The following FHIT variants were observed in gnomAD, a reference collection of about 807,000 sequenced individuals.
FHIT encodes bis(5'-adenosyl)-triphosphatase.
In FHIT, 19 loss-of-function variants were observed where a neutral mutation model predicts 17.9. That is an observed-to-expected ratio of 1.06 (90% confidence interval 0.74 to 1.56). The LOEUF (loss-of-function observed/expected upper bound fraction) is 1.56. FHIT is among the 40% of genes most tolerant of loss of function. The pLI, the probability that FHIT is intolerant of heterozygous loss-of-function variation, is 0.00. For synonymous variants in FHIT, 81 were observed against 69.7 expected, an observed-to-expected ratio of 1.16 and a Z score of -0.81; for missense variants, 248 against 189.2, an observed-to-expected ratio of 1.31 and a Z score of -1.82.
intron 1 of FHIT, among the ~76,000 whole-genome samples, chr3:61,249,058 A>G (rs1332633865): frequency 6.6e-6 from 1 of 152,216 alleles, no homozygotes; most frequent in Non-Finnish European, 1.5e-5. Context: ...AAGTATTACA[A>G]CCTTACCAAT....
At chr3:60,331,039 G>A (rs1462951531) in intron 5 of FHIT, among the ~76,000 whole-genome samples, 1 of 152,142 alleles carries the variant, frequency 6.6e-6, no homozygotes, top group Non-Finnish European at 1.5e-5. Flanking sequence ...CCTGTCACCA[G>A]AATCCCCTGC....
At chr3:60,746,502 G>A (rs1553715389) in intron 4 of FHIT, among the ~76,000 whole-genome samples, 1 of 152,136 alleles carries the variant, frequency 6.6e-6, no homozygotes, top group Non-Finnish European at 1.5e-5. Context: ...CATGGGTTCG[G>A]ACGATCATTA....
rs556196466 is a variant in FHIT, at chr3:61,083,397, T to C, written c.-163-41298A>G. On this transcript the variant is annotated intron_variant, in intron 2 of 9. Transcript: ENST00000492590. The stretch of plus-strand genomic sequence containing the variant: ...CGAGGTCAGGAGATCGAGACCATCC[T>C]GGCTACCACGGTGAAACCCCGTCTC... 8.4e-4 allele frequency among the ~76,000 whole-genome samples: 128 copies of C among 152,294 alleles called. 1 individual carries two copies. Among genetic ancestry groups the C allele is most frequent in the African/African-American group, 3.0e-3 (126 of 41,580 alleles).
chr3:60,142,795 A>G (rs1700095854), intron 5 of FHIT, among the ~76,000 whole-genome samples: 1 of 151,900 alleles, frequency 6.6e-6, no homozygotes, highest in Non-Finnish European at 1.5e-5. Context: ...AGTCACTAGG[A>G]TCACAGGCTC....
At chr3:60,946,180 AG>A (rs1553775773) in intron 3 of FHIT, among the ~76,000 whole-genome samples, 1 of 152,216 alleles carries the variant, frequency 6.6e-6, no homozygotes, top group Non-Finnish European at 1.5e-5. Context: ...GAGGCCCCAC[AG>A]GATCAAAGAA....
intron 3 of FHIT, among the ~76,000 whole-genome samples, chr3:61,013,159 G>A (rs2031893079): frequency 6.6e-6 from 1 of 151,880 alleles, no homozygotes; most frequent in Non-Finnish European, 1.5e-5. Context: ...CAAGGTTCAG[G>A]GAGCAAAAAA....
chr3:60,370,763 C>T (rs1700294168), intron 5 of FHIT, among the ~76,000 whole-genome samples: 1 of 152,172 alleles, frequency 6.6e-6, no homozygotes. Context: ...CACTCTATTC[C>T]CACAGCCTTC....
At chr3:59,957,661 A>T (rs1707470428) in intron 7 of FHIT, among the ~76,000 whole-genome samples, 1 of 152,220 alleles carries the variant, frequency 6.6e-6, no homozygotes, top group South Asian at 2.1e-4. Context: ...GTCACTGAGA[A>T]AAATATGTCT....
intron 5 of FHIT, among the ~76,000 whole-genome samples, chr3:60,250,746 A>G (rs1317511489): frequency 6.6e-6 from 1 of 152,108 alleles, no homozygotes; most frequent in African/African-American, 2.4e-5. Context: ...CCACTACTCC[A>G]AAGTACCTTC....
intron 5 of FHIT, among the ~76,000 whole-genome samples, chr3:60,113,404 G>A (rs1040821280): frequency 1.3e-5 from 2 of 151,048 alleles, no homozygotes; most frequent in Non-Finnish European, 2.9e-5. Context: ...TTATTTAAAA[G>A]GGGATGAGAA....
At chr3:60,175,566 T>A (rs550973690) in intron 5 of FHIT, among the ~76,000 whole-genome samples, 68 of 152,260 alleles carry the variant, frequency 4.5e-4, no homozygotes, top group African/African-American at 1.6e-3. Flanking sequence ...TTGGGAAGTC[T>A]AAATGGCAAT....
intron 5 of FHIT, among the ~76,000 whole-genome samples, chr3:60,242,130 C>T (rs78684482): frequency 5.3e-5 from 8 of 152,134 alleles, no homozygotes; most frequent in East Asian, 1.9e-4. Context: ...TTATCTTTCA[C>T]GTTTTATTTC....
intron 5 of FHIT, among the ~76,000 whole-genome samples, chr3:60,168,544 G>A (rs549691837): frequency 6.6e-6 from 1 of 152,284 alleles, no homozygotes; most frequent in East Asian, 1.9e-4. Flanking sequence ...CCTGCCAGAG[G>A]CTCTGCCAGC....
At chr3:60,328,421 G>A (rs932080852) in intron 5 of FHIT, among the ~76,000 whole-genome samples, 2 of 152,200 alleles carry the variant, frequency 1.3e-5, no homozygotes, top group African/African-American at 4.8e-5. Flanking sequence ...GGAAGGCGAA[G>A]GAAGAGTAAA....
intron 5 of FHIT, among the ~76,000 whole-genome samples, chr3:60,148,254 C>T (rs906963511): frequency 1.3e-5 from 2 of 152,174 alleles, no homozygotes; most frequent in African/African-American, 4.8e-5. Context: ...GAGTCCCATA[C>T]TATACATGCC....
intron 5 of FHIT, among the ~76,000 whole-genome samples, chr3:60,318,022 C>G (rs1255937522): frequency 6.6e-6 from 1 of 152,036 alleles, no homozygotes; most frequent in Non-Finnish European, 1.5e-5. Context: ...AAACCCCTCA[C>G]CTCAAGTGAT....
intron 5 of FHIT, among the ~76,000 whole-genome samples, chr3:60,112,352 G>A (rs1398198202): frequency 6.6e-6 from 1 of 152,130 alleles, no homozygotes; most frequent in African/African-American, 2.4e-5. Flanking sequence ...CATTACAACT[G>A]ACTCTACTAA....
At chr3:60,773,014 A>G (rs1002213180) in intron 4 of FHIT, among the ~76,000 whole-genome samples, 1 of 152,134 alleles carries the variant, frequency 6.6e-6, no homozygotes, top group Non-Finnish European at 1.5e-5. Context: ...CAAGCCTTCT[A>G]TGAGATTGAT....
intron 5 of FHIT, among the ~76,000 whole-genome samples, chr3:60,055,142 A>G (rs1206213786): frequency 1.3e-5 from 2 of 152,124 alleles, no homozygotes; most frequent in African/African-American, 2.4e-5. Context: ...CTTTTCTCAC[A>G]TGGCAAGAAG....
Sources: allele counts gnomAD v4.1 joint callset (sites outside exome capture counted in the v4.1 genomes callset), GRCh38; gene constraint gnomAD v4.1.1; transcripts MANE v1.5; gene names NCBI Gene and HGNC (gene_info 2026-07-23, HGNC 2026-07-21).